OR7E24: variants seen among roughly 807,000 people sequenced by gnomAD.
The protein encoded by OR7E24 is olfactory receptor 7E24.
For missense variants in OR7E24, 385 were observed against 410.3 expected (o/e 0.94, Z 0.53); for synonymous variants, 130 against 157.5 (o/e 0.83, Z 1.31).
chr19:9,223,534 C>T, the OR7E24 span, among the ~76,000 whole-genome samples: 1 of 152,324 alleles, frequency 6.6e-6, no homozygotes, highest in Admixed American at 6.5e-5. Context: ...GGTCCCACCA[C>T]CTCAAATGAC....
the OR7E24 span, among the ~76,000 whole-genome samples, chr19:9,231,484 G>T: frequency 6.6e-6 from 1 of 152,158 alleles, no homozygotes; most frequent in African/African-American, 2.4e-5. Context: ...GGAGGCTGCG[G>T]CAGGAGAATC....
At chr19:9,220,032 A>C in the OR7E24 span, among the ~76,000 whole-genome samples, 3 of 151,962 alleles carry the variant, frequency 2.0e-5, no homozygotes, top group Non-Finnish European at 4.4e-5. Flanking sequence ...TTTTCTTTTT[A>C]AATATTTTTT....
the OR7E24 span, among the ~76,000 whole-genome samples, chr19:9,232,140 C>T: frequency 6.6e-6 from 1 of 152,254 alleles, no homozygotes; most frequent in East Asian, 1.9e-4. Context: ...CAAGCTTGCA[C>T]GGGTGAATGC....
At chr19:9,237,340 T>C in the OR7E24 span, among the ~76,000 whole-genome samples, 1 of 152,104 alleles carries the variant, frequency 6.6e-6, no homozygotes, top group Non-Finnish European at 1.5e-5. Context: ...AGACGGAGTC[T>C]CGCTCTGTCC....
the OR7E24 span, among the ~76,000 whole-genome samples, chr19:9,237,322 T>C: frequency 6.6e-6 from 1 of 151,958 alleles, no homozygotes; most frequent in African/African-American, 2.4e-5. Context: ...TTTATTTATT[T>C]ATTTTTGAGA....
chr19:9,223,562 G>A, the OR7E24 span, among the ~76,000 whole-genome samples: 8 of 152,034 alleles, frequency 5.3e-5, no homozygotes, highest in South Asian at 1.2e-3. Context: ...TCCAGACAAC[G>A]TGGATGACCA....
upstream of OR7E24, among the ~76,000 whole-genome samples, chr19:9,242,410 C>A (rs953415259): frequency 3.9e-5 from 6 of 152,008 alleles, no homozygotes; most frequent in African/African-American, 1.5e-4. Flanking sequence ...CCACACCTGG[C>A]TAATTTTTTT....
the OR7E24 span, chr19:9,208,689 C>T: frequency 1.8e-5 from 2 of 111,394 alleles, no homozygotes; most frequent in East Asian, 2.5e-4. Context: ...ATTAATGCTG[C>T]CTTTTTTTTT....
the OR7E24 span, chr19:9,212,680 C>A: frequency 0.049 from 7,463 of 152,176 alleles, 258 homozygotes; most frequent in East Asian, 0.12. Flanking sequence ...TACTAGGAAC[C>A]ATTTGACCCA....
chr19:9,237,981 A>G, the OR7E24 span, among the ~76,000 whole-genome samples: 1 of 152,140 alleles, frequency 6.6e-6, no homozygotes, highest in African/African-American at 2.4e-5. Flanking sequence ...TTTTTTAAAA[A>G]AACAACTGTA....
rs1243687956 is a variant in OR7E24, at chr19:9,251,147, T to C, written c.104T>C (p.Leu35Pro). Residue 35 changes from leucine (L) to proline (P), a missense_variant, in exon 1 of 1, where the codon CTC becomes CCC. By Grantham distance (98) the Leu-to-Pro change is moderately conservative (BLOSUM62 -3). Transcript: ENST00000456448. ...GTCTCAGAATTCCTCCTCCTGGGAC[T>C]CTCAGAGGATCCAGAACTGCAGCCG... is the stretch of plus-strand genomic sequence containing the variant. Reference protein sequence around the residue: ...TGVSEFLLLGLSEDPELQPVL... With the variant: ...TGVSEFLLLGPSEDPELQPVL... 6.2e-7 allele frequency: 1 copy of C among 1,613,178 alleles called. No homozygotes were observed. Among genetic ancestry groups the C allele is most frequent in the Non-Finnish European group, 8.5e-7 (1 of 1,179,372 alleles).
the OR7E24 span, among the ~76,000 whole-genome samples, chr19:9,228,478 T>TA: frequency 0.18 from 27,607 of 152,110 alleles, 4,181 homozygotes; most frequent in African/African-American, 0.41. Context: ...TCCGCTTCCC[T>TA]AAAAACTTCA....
chr19:9,227,847 G>A, the OR7E24 span, among the ~76,000 whole-genome samples: 2 of 142,008 alleles, frequency 1.4e-5, no homozygotes, highest in Non-Finnish European at 3.0e-5. Context: ...TCCGCCTCCC[G>A]GGTTCATGCC....
the OR7E24 span, chr19:9,236,115 T>TG: frequency 8.7e-7 from 1 of 1,147,290 alleles, no homozygotes; most frequent in Non-Finnish European, 1.3e-6. Context: ...GAGGATGCTA[T>TG]GGGTCCCTTA....
the OR7E24 span, chr19:9,235,605 G>T: frequency 6.5e-5 from 102 of 1,564,848 alleles, 2 homozygotes; most frequent in South Asian, 1.1e-3. Flanking sequence ...TCATTTTCTG[G>T]TTCTCCCTGG....
At chr19:9,225,464 G>GGGAGGGAA in the OR7E24 span, among the ~76,000 whole-genome samples, 1 of 147,520 alleles carries the variant, frequency 6.8e-6, no homozygotes, top group African/African-American at 2.5e-5. Context: ...GAGGGAGGGA[G>GGGAGGGAA]GGAAGGAAGG....
the OR7E24 span, among the ~76,000 whole-genome samples, chr19:9,223,289 G>A: frequency 6.6e-6 from 1 of 152,184 alleles, no homozygotes; most frequent in Non-Finnish European, 1.5e-5. Context: ...CCAGCTCAAT[G>A]GATCTTTGCA....
At chr19:9,237,611 G>A in the OR7E24 span, among the ~76,000 whole-genome samples, 5 of 152,024 alleles carry the variant, frequency 3.3e-5, no homozygotes, top group South Asian at 2.1e-4. Context: ...CACCGCGCCC[G>A]GCCTAGATTG....
chr19:9,212,178 A>G, the OR7E24 span: 4 of 152,142 alleles, frequency 2.6e-5, no homozygotes, highest in African/African-American at 9.7e-5. Flanking sequence ...TCCCTCAACT[A>G]TTTATCTTTA....
Sources: gnomAD v4.1 joint callset for allele counts (sites outside exome capture counted in the v4.1 genomes callset) on GRCh38, gnomAD v4.1.1 for gene constraint, MANE v1.5 for transcripts, NCBI Gene and HGNC (gene_info 2026-07-23, HGNC 2026-07-21) for gene names.